Variants in RNF115 observed in about 807,000 individuals in gnomAD.
The protein encoded by RNF115 is ring finger protein 115.
In RNF115, 31 loss-of-function variants were observed where a neutral mutation model predicts 39.2. That is an observed-to-expected ratio of 0.79 (90% CI 0.59 to 1.07). RNF115 has a LOEUF of 1.07. Ranked by LOEUF, RNF115 falls within the 50% of genes least tolerant of loss-of-function variation. RNF115 has a pLI of 0.00. For missense variants in RNF115, 384 were observed against 381.7 expected (o/e 1.01, Z -0.05); for synonymous variants, 124 against 131.0 (o/e 0.95, Z 0.37).
intron 4 of RNF115, among the ~76,000 whole-genome samples, chr1:145,755,638 A>G (rs1426647085): frequency 2.0e-5 from 3 of 152,180 alleles, no homozygotes; most frequent in Non-Finnish European, 4.4e-5. Context: ...CCGCCACAAT[A>G]AAGACCCAAA....
At chr1:145,780,045 T>C (rs587622254) in intron 3 of RNF115, among the ~76,000 whole-genome samples, 1 of 151,734 alleles carries the variant, frequency 6.6e-6, no homozygotes, top group South Asian at 2.1e-4. Context: ...CTGGCCAACG[T>C]GGTAAAACCC....
At chr1:145,782,957 G>C in intron 3 of RNF115, among the ~76,000 whole-genome samples, 1 of 152,326 alleles carries the variant, frequency 6.6e-6, no homozygotes, top group East Asian at 1.9e-4. Context: ...TGCCTCCCGG[G>C]TTCAAGCGAT....
chr1:145,771,768 C>T lies in RNF115; in HGVS notation c.371G>A (p.Gly124Asp), dbSNP rs782436435. The T allele has an allele frequency of 6.2e-7, 1 of 1,614,178 alleles. No individual in the cohort carries two copies. The highest frequency in any genetic ancestry group is 2.2e-5 in the East Asian group (1 of 44,882). The change falls in exon 4 of 9, where the codon GGT (glycine) becomes GAT (aspartate). Residue 124 changes from glycine (G) to aspartate (D), a missense_variant. By Grantham distance (94) the Gly-to-Asp change is moderately conservative (BLOSUM62 -1). Coordinates refer to ENST00000582693, the MANE Select transcript of RNF115 (RefSeq NM_014455.4). ...ACTTCCTCGAGATCTGTATCTCCGACCCAATGGCAACCGTGGAGGTCTTGC... is the reference window on the plus strand; with the variant it reads ...ACTTCCTCGAGATCTGTATCTCCGATCCAATGGCAACCGTGGAGGTCTTGC... ...WGARPPRLPL[G>D]RRYRSRGSSR...
chr1:145,757,881 C>A (rs1225764292), intron 4 of RNF115, among the ~76,000 whole-genome samples: 1 of 152,110 alleles, frequency 6.6e-6, no homozygotes, highest in Admixed American at 6.5e-5. Context: ...AGGAACTATA[C>A]CCAAGGAGCC....
intron 1 of RNF115, among the ~76,000 whole-genome samples, chr1:145,813,165 T>C (rs1364458187): frequency 6.6e-6 from 1 of 151,820 alleles, no homozygotes; most frequent in African/African-American, 2.4e-5. Context: ...TCATTCAAGC[T>C]TCCCATACGT....
rs587658225 is a variant in RNF115, at chr1:145,809,209, CAG to C, written c.102+14561_102+14562del. ...TTTTTTTTTTTTTTTTTTTTTGAGA[CAG>C]AGTCTCACTCTGTTGCCCAGGCTGG... On this transcript the variant is annotated intron_variant, in intron 1 of 8. Transcript: ENST00000582693. 5.3e-3 allele frequency among the ~76,000 whole-genome samples: 739 copies of C among 138,344 alleles called. 5 individuals carry two copies. Among genetic ancestry groups the C allele is most frequent in the Middle Eastern group, 0.024 (6 of 250 alleles). The allele number at this position is 138,344 out of a possible 152,430, so 90.8% of individuals were successfully genotyped here.
intron 7 of RNF115, among the ~76,000 whole-genome samples, chr1:145,749,892 C>G (rs782502541): frequency 1.3e-5 from 2 of 152,154 alleles, no homozygotes; most frequent in African/African-American, 2.4e-5. Context: ...ACTCCCAGAC[C>G]AAAATGCTGT....
chr1:145,822,078 G>A (rs1423980269), intron 1 of RNF115, among the ~76,000 whole-genome samples: 1 of 152,098 alleles, frequency 6.6e-6, no homozygotes, highest in Non-Finnish European at 1.5e-5. Flanking sequence ...TGTAATCCCA[G>A]CACTCTGGGA....
chr1:145,750,584 A>G, intron 6 of RNF115, 84 bp from the exon 7 acceptor site: 3 of 1,006,590 alleles, frequency 3.0e-6, no homozygotes, highest in Non-Finnish European at 4.6e-6. Flanking sequence ...GAGAACAAAC[A>G]GTGCAGACAT....
chr1:145,771,920 C>G lies in RNF115; in HGVS notation c.220-1G>C. Reference sequence around the variant, plus strand: ...TCGTGTGATCCAAATGGCCCCAAAGCTAGTAAAGACCAGAAATAAGTCACA... The same window carrying G: ...TCGTGTGATCCAAATGGCCCCAAAGGTAGTAAAGACCAGAAATAAGTCACA... On this transcript the variant is annotated splice_acceptor_variant, in intron 3 of 8. Coordinates refer to ENST00000582693, the MANE Select transcript of RNF115 (RefSeq NM_014455.4). LOFTEE classifies it high-confidence loss of function. 1 of 1,611,620 alleles carries G rather than the reference C, an allele frequency of 6.2e-7. No individual in the cohort carries two copies. The highest frequency in any genetic ancestry group is 8.5e-7 in the Non-Finnish European group (1 of 1,179,002).
At chr1:145,789,772 T>G (rs1181778438) in intron 1 of RNF115, among the ~76,000 whole-genome samples, 1 of 143,054 alleles carries the variant, frequency 7.0e-6, no homozygotes. Context: ...TGCAATGGTG[T>G]GATCTCAGCT....
At chr1:145,753,844 G>A (rs1478509231) in intron 4 of RNF115, among the ~76,000 whole-genome samples, 2 of 152,130 alleles carry the variant, frequency 1.3e-5, no homozygotes, top group Non-Finnish European at 2.9e-5. Flanking sequence ...AGCCTCCCGA[G>A]TAGCTGGGAT....
At chr1:145,788,862 G>A (rs1378151576) in intron 2 of RNF115, 46 bp downstream of exon 2, 1 of 1,359,538 alleles carries the variant, frequency 7.4e-7, no homozygotes, top group Non-Finnish European at 1.0e-6. Context: ...AGAGAAAATA[G>A]TTTTGATAAT....
At chr1:145,814,588 A>C (rs1240621308) in intron 1 of RNF115, among the ~76,000 whole-genome samples, 1 of 152,046 alleles carries the variant, frequency 6.6e-6, no homozygotes, top group Admixed American at 6.6e-5. Flanking sequence ...GTTTAAAAAA[A>C]AAAAAAAGAG....
chr1:145,799,834 TCCTCCCACCTTGG>T (rs1649149627), intron 1 of RNF115, among the ~76,000 whole-genome samples: 1 of 152,102 alleles, frequency 6.6e-6, no homozygotes, highest in Non-Finnish European at 1.5e-5. Flanking sequence ...ACTCAAGTGA[TCCTCCCACCTTGG>T]CCTCCCAGAG....
rs1657645522 is a variant in RNF115 at position 145,740,100 on chromosome 1, T to C, written c.*6766A>G. On this transcript the variant is annotated 3_prime_UTR_variant, in exon 9 of 9. Transcript: ENST00000582693. ...TACCTGTTTTAAATAGTTAGTTCTG[T>C]GTTTCTAACTAAATAATAAACTCAC... is the stretch of plus-strand genomic sequence containing the variant. 1.3e-5 allele frequency: 2 copies of C among 152,254 alleles called. No homozygotes were observed. The allele number at this position is 152,254 out of a possible 1,614,324, so 9.4% of individuals were successfully genotyped here.
chr1:145,763,820 G>A (rs182814509), intron 4 of RNF115, among the ~76,000 whole-genome samples: 39 of 152,298 alleles, frequency 2.6e-4, no homozygotes, highest in African/African-American at 8.9e-4. Flanking sequence ...TGCTGGTGTT[G>A]ACCTAACACA....
intron 7 of RNF115, 43 bp from the exon 8 acceptor site, chr1:145,748,153 G>C (rs781964493): frequency 1.4e-6 from 2 of 1,429,660 alleles, no homozygotes; most frequent in South Asian, 2.3e-5. Flanking sequence ...CAGGCAAAAG[G>C]AAAGAAGAAA....
At chr1:145,822,182 C>G (rs1362801639) in intron 1 of RNF115, among the ~76,000 whole-genome samples, 3 of 151,710 alleles carry the variant, frequency 2.0e-5, no homozygotes, top group Non-Finnish European at 2.9e-5. Context: ...CAAAAATTAG[C>G]CAGGGTGCGG....
Sources: allele counts gnomAD v4.1 joint callset (sites outside exome capture counted in the v4.1 genomes callset), GRCh38; gene constraint gnomAD v4.1.1; transcripts MANE v1.5; gene names NCBI Gene and HGNC (gene_info 2026-07-23, HGNC 2026-07-21).